Variants in CTDSPL observed in about 807,000 individuals in gnomAD.
CTDSPL encodes the protein CTD small phosphatase like, also known as CTD small phosphatase-like protein.
In CTDSPL, 8 loss-of-function variants were observed where a neutral mutation model predicts 30.5. The observed-to-expected ratio is 0.26, with a 90% CI of 0.15 to 0.47. The LOEUF is 0.47. Among genes scored for constraint, CTDSPL ranks in the 20% least tolerant of loss-of-function variants. CTDSPL has a pLI of 0.99. For synonymous variants in CTDSPL, 110 were observed against 137.9 expected (o/e 0.80, Z 1.42); for missense variants, 248 against 366.1 (o/e 0.68, Z 2.63).
chr3:37,911,330 C>T (rs1559631324), intron 1 of CTDSPL, among the ~76,000 whole-genome samples: 1 of 152,162 alleles, frequency 6.6e-6, no homozygotes, highest in East Asian at 1.9e-4. Flanking sequence ...GAGAAGCTCA[C>T]ACCTTTAAGT....
intron 1 of CTDSPL, among the ~76,000 whole-genome samples, chr3:37,916,834 C>T (rs558285352): frequency 6.6e-6 from 1 of 152,132 alleles, no homozygotes; most frequent in Non-Finnish European, 1.5e-5. Context: ...CTGCACAACC[C>T]TCCTGGCAGG....
chr3:37,937,218 A>G lies in CTDSPL; in HGVS notation c.80-9839A>G, dbSNP rs1261391606. On this transcript the variant is annotated intron_variant, in intron 1 of 7. Transcript: ENST00000273179. Reference sequence around the variant, plus strand: ...TCAGAGGTAGGGGGGCTTGTGGCTTATCTGACTGCTATGGTTTAGACGTGG... The same window carrying G: ...TCAGAGGTAGGGGGGCTTGTGGCTTGTCTGACTGCTATGGTTTAGACGTGG... 2.0e-5 allele frequency among the ~76,000 whole-genome samples: 3 copies of G among 150,200 alleles called. 1 individual carries two copies. Among genetic ancestry groups the G allele is most frequent in the Non-Finnish European group, 3.0e-5 (2 of 66,976 alleles).
At position 37,957,120 on chromosome 3, in the gene CTDSPL, A is replaced by G. The variant is rs1288028294; in HGVS notation, c.244A>G (p.Arg82Gly). 6.2e-7 allele frequency: 1 copy of G among 1,600,374 alleles called. No individual in the cohort carries two copies. The highest frequency in any genetic ancestry group is 1.3e-5 in the African/African-American group (1 of 74,230). The change falls in exon 3 of 8, where the codon AGG becomes GGG. Residue 82 changes from arginine (R) to glycine (G), a missense_variant. Arg to Gly is a moderately radical substitution (Grantham distance 125). Coordinates refer to ENST00000273179, the MANE Select transcript of CTDSPL (RefSeq NM_001008392.2). ...ENGGLQKGDQ[R>G]QVIPIPSPPA... ...TTTTCTTTTTCCTCAGGGTGACCAG[A>G]GGCAGGTCATTCCCATACCAAGTGT...
At chr3:37,866,813 A>C (rs1182827143) in intron 1 of CTDSPL, among the ~76,000 whole-genome samples, 1 of 152,244 alleles carries the variant, frequency 6.6e-6, no homozygotes, top group African/African-American at 2.4e-5. Flanking sequence ...AAATTATAGC[A>C]AAGAGAAGAC....
At chr3:37,960,480 CAAAAAAAAAAAAAA>C (rs1208033395) in intron 3 of CTDSPL, among the ~76,000 whole-genome samples, 1 of 4,922 alleles carries the variant, frequency 2.0e-4, no homozygotes, top group Non-Finnish European at 3.1e-4. Context: ...AACTCTGTCT[CAAAAAAAAAAAAAA>C]AAAAAAAAAA....
intron 1 of CTDSPL, among the ~76,000 whole-genome samples, chr3:37,889,361 A>G (rs1216000780): frequency 6.6e-6 from 1 of 152,228 alleles, no homozygotes; most frequent in East Asian, 1.9e-4. Context: ...TGAGGATAAG[A>G]AGGAGATCTT....
At chr3:37,971,788 G>A (rs539458449) in intron 6 of CTDSPL, among the ~76,000 whole-genome samples, 1 of 152,384 alleles carries the variant, frequency 6.6e-6, no homozygotes, top group South Asian at 2.1e-4. Context: ...AACAGGTCCA[G>A]TGTAATGGAC....
At chr3:37,899,849 A>G (rs1013100386) in intron 1 of CTDSPL, among the ~76,000 whole-genome samples, 4 of 152,214 alleles carry the variant, frequency 2.6e-5, no homozygotes, top group African/African-American at 4.8e-5. Context: ...TTTGCTGCTT[A>G]TCTCTAAATA....
chr3:37,940,463 G>A (rs770968526), intron 1 of CTDSPL, among the ~76,000 whole-genome samples: 14 of 150,688 alleles, frequency 9.3e-5, no homozygotes, highest in South Asian at 4.3e-4. Context: ...AGACAGTGTC[G>A]TCAGAAATCT....
intron 1 of CTDSPL, among the ~76,000 whole-genome samples, chr3:37,932,917 C>T (rs1038561065): frequency 1.3e-5 from 2 of 152,178 alleles, no homozygotes; most frequent in African/African-American, 4.8e-5. Context: ...TCTTGGGAGG[C>T]CGAGGCATGT....
At chr3:37,888,369 CT>C (rs1385717217) in intron 1 of CTDSPL, among the ~76,000 whole-genome samples, 1 of 152,188 alleles carries the variant, frequency 6.6e-6, no homozygotes, top group African/African-American at 2.4e-5. Context: ...TTGCAAAAGA[CT>C]CAACTTAGAG....
At chr3:37,912,183 C>A (rs947013044) in intron 1 of CTDSPL, among the ~76,000 whole-genome samples, 2 of 152,212 alleles carry the variant, frequency 1.3e-5, no homozygotes, top group Non-Finnish European at 2.9e-5. Flanking sequence ...CCTTTCACAG[C>A]CCCGCAAGTG....
At chr3:37,974,110 T>A (rs1699398598) in intron 6 of CTDSPL, among the ~76,000 whole-genome samples, 1 of 152,218 alleles carries the variant, frequency 6.6e-6, no homozygotes, top group Non-Finnish European at 1.5e-5. Context: ...CCCAAGACAA[T>A]TCTTCTTCCA....
chr3:37,897,199 G>T (rs1698398840), intron 1 of CTDSPL, among the ~76,000 whole-genome samples: 1 of 152,100 alleles, frequency 6.6e-6, no homozygotes, highest in Admixed American at 6.5e-5. Context: ...ATGAGCTGTT[G>T]CTGTGTGGTG....
chr3:37,948,838 G>T (rs1265624503), intron 2 of CTDSPL, among the ~76,000 whole-genome samples: 12 of 104,786 alleles, frequency 1.1e-4, no homozygotes, highest in African/African-American at 5.6e-4. Context: ...TTTTGAGACG[G>T]AGTCTCGCTC....
At chr3:37,956,886 G>A (rs1699180447) in intron 2 of CTDSPL, among the ~76,000 whole-genome samples, 1 of 152,190 alleles carries the variant, frequency 6.6e-6, no homozygotes, top group Non-Finnish European at 1.5e-5. Context: ...GTGAGTCTCA[G>A]GAGCCCAGCC....
chr3:37,967,225 G>A (rs1699308262), intron 4 of CTDSPL, among the ~76,000 whole-genome samples: 1 of 152,202 alleles, frequency 6.6e-6, no homozygotes, highest in African/African-American at 2.4e-5. Flanking sequence ...CCATGGGCAT[G>A]CATCAGACCC....
chr3:37,925,832 T>TAC (rs965868063), intron 1 of CTDSPL, among the ~76,000 whole-genome samples: 3 of 149,198 alleles, frequency 2.0e-5, no homozygotes, highest in African/African-American at 7.6e-5. Flanking sequence ...AGTTCTCCAG[T>TAC]ACACACAGAC....
chr3:37,945,005 G>A (rs974629831), intron 1 of CTDSPL, among the ~76,000 whole-genome samples: 1 of 149,562 alleles, frequency 6.7e-6, no homozygotes, highest in African/African-American at 2.5e-5. Flanking sequence ...TTAGTTATGG[G>A]GAAAGTTCGT....
Sources: allele counts gnomAD v4.1 joint callset (sites outside exome capture counted in the v4.1 genomes callset), GRCh38; gene constraint gnomAD v4.1.1; transcripts MANE v1.5; gene names NCBI Gene and HGNC (gene_info 2026-07-23, HGNC 2026-07-21).